The following NELL1 variants were observed in gnomAD, a reference collection of about 807,000 sequenced individuals.
NELL1 encodes neural EGFL like 1.
In NELL1, 76 loss-of-function variants were observed where a neutral mutation model predicts 107.4. The ratio of observed to expected loss-of-function variants is 0.71; its 90% CI spans 0.59 to 0.86. NELL1 has a LOEUF of 0.86. Among genes scored for constraint, NELL1 ranks in the 40% least tolerant of loss-of-function variants. The probability of loss-of-function intolerance (pLI) is 0.00; values close to 1 mark genes in which losing one functional copy is unlikely to be tolerated. For synonymous variants in NELL1, 353 were observed against 341.2 expected (o/e 1.03, Z -0.38); for missense variants, 1,024 against 1,005.5 (o/e 1.02, Z -0.25).
At chr11:21,345,174 T>C (rs886711883) in intron 14 of NELL1, among the ~76,000 whole-genome samples, 16 of 152,166 alleles carry the variant, frequency 1.1e-4, no homozygotes, top group African/African-American at 3.9e-4. Context: ...CTTTGTTAAT[T>C]TGGGCTATTT....
intron 15 of NELL1, among the ~76,000 whole-genome samples, chr11:21,473,483 C>T (rs1371093836): frequency 6.6e-6 from 1 of 151,988 alleles, no homozygotes; most frequent in Non-Finnish European, 1.5e-5. Context: ...ATTACCTGTT[C>T]ATATTTTAAC....
intron 14 of NELL1, among the ~76,000 whole-genome samples, chr11:21,336,650 T>C: frequency 2.2e-5 from 1 of 45,342 alleles, no homozygotes; most frequent in African/African-American, 4.4e-5. Context: ...CATATGTGTG[T>C]GTATATATAT....
intron 2 of NELL1, among the ~76,000 whole-genome samples, chr11:20,710,731 C>A (rs925692348): frequency 1.3e-5 from 2 of 151,818 alleles, no homozygotes; most frequent in Non-Finnish European, 2.9e-5. Flanking sequence ...TTATTGGTCT[C>A]TTCAGTTTCT....
intron 1 of NELL1, among the ~76,000 whole-genome samples, chr11:20,675,713 C>A (rs2133847739): frequency 6.6e-6 from 1 of 152,296 alleles, no homozygotes; most frequent in East Asian, 1.9e-4. Context: ...CCTTTTGGGT[C>A]ACAGGGCTTA....
intron 5 of NELL1, among the ~76,000 whole-genome samples, chr11:20,910,146 G>C (rs1850093827): frequency 6.6e-6 from 1 of 152,154 alleles, no homozygotes; most frequent in Non-Finnish European, 1.5e-5. Flanking sequence ...TCCTGGCTGG[G>C]GCAATGTTGA....
intron 9 of NELL1, among the ~76,000 whole-genome samples, chr11:20,936,672 C>T (rs549936899): frequency 1.3e-5 from 2 of 152,292 alleles, no homozygotes; most frequent in South Asian, 4.1e-4. Context: ...TGATTGTAAG[C>T]TCCATGAGAA....
chr11:21,422,094 TATGTG>T (rs1852690062), intron 15 of NELL1, among the ~76,000 whole-genome samples: 1 of 9,572 alleles, frequency 1.0e-4, no homozygotes, highest in Non-Finnish European at 1.7e-4. Context: ...CATTTACACA[TATGTG>T]TGTGTGTGTG....
intron 12 of NELL1, among the ~76,000 whole-genome samples, chr11:21,016,065 T>C (rs561812522): frequency 2.0e-5 from 3 of 152,190 alleles, no homozygotes; most frequent in African/African-American, 7.2e-5. Context: ...GCGACTGCCA[T>C]TGTGGTGCTT....
chr11:20,700,003 G>T (rs575933335), intron 2 of NELL1, among the ~76,000 whole-genome samples: 14 of 150,180 alleles, frequency 9.3e-5, no homozygotes, highest in Admixed American at 2.7e-4. Flanking sequence ...ATCTCATTGT[G>T]GTTTTAATTT....
At chr11:21,547,342 T>C (rs1480812095) in intron 16 of NELL1, among the ~76,000 whole-genome samples, 1 of 151,842 alleles carries the variant, frequency 6.6e-6, no homozygotes. Context: ...GATGGTGAGA[T>C]TTCCAGTGTA....
At chr11:21,371,755 T>C (rs1167464901) in intron 15 of NELL1, among the ~76,000 whole-genome samples, 1 of 152,084 alleles carries the variant, frequency 6.6e-6, no homozygotes, top group Non-Finnish European at 1.5e-5. Context: ...TTTCATATCA[T>C]AGCACAGAAA....
At chr11:21,340,620 T>TAC (rs71034506) in intron 14 of NELL1, among the ~76,000 whole-genome samples, 13,024 of 141,626 alleles carry the variant, frequency 0.092, 697 homozygotes, top group East Asian at 0.22. Context: ...TATGACGGGT[T>TAC]ACACACACAC....
intron 16 of NELL1, among the ~76,000 whole-genome samples, chr11:21,538,979 T>C (rs187961724): frequency 6.6e-6 from 1 of 152,212 alleles, no homozygotes; most frequent in Non-Finnish European, 1.5e-5. Flanking sequence ...CTCTACTCCT[T>C]TGCTTGTGTG....
chr11:21,443,336 A>C (rs1167933644), intron 15 of NELL1, among the ~76,000 whole-genome samples: 1 of 152,180 alleles, frequency 6.6e-6, no homozygotes, highest in African/African-American at 2.4e-5. Flanking sequence ...ATTGAGGATT[A>C]GTTTCCAACA....
At chr11:20,810,755 A>G (rs1590316341) in intron 3 of NELL1, among the ~76,000 whole-genome samples, 2 of 152,162 alleles carry the variant, frequency 1.3e-5, no homozygotes, top group South Asian at 2.1e-4. Context: ...GCTGGATCAA[A>G]TGGTAGTTCT....
chr11:20,745,755 A>G (rs150968424), intron 2 of NELL1, among the ~76,000 whole-genome samples: 24 of 152,294 alleles, frequency 1.6e-4, no homozygotes, highest in Non-Finnish European at 2.8e-4. Flanking sequence ...TGTGGGCCAC[A>G]TTTGAAGGGT....
intron 14 of NELL1, among the ~76,000 whole-genome samples, chr11:21,337,778 TTC>T (rs1850450962): frequency 7.0e-6 from 1 of 141,874 alleles, no homozygotes; most frequent in African/African-American, 2.8e-5. Context: ...CTTTCTTTCT[TTC>T]TTTCTTTCTT....
upstream of NELL1, chr11:20,669,564 C>G (rs577007020): frequency 2.1e-5 from 8 of 379,708 alleles, no homozygotes; most frequent in Admixed American, 1.7e-4. The surrounding 1 kb of genome is among the most constrained non-coding windows in gnomAD (Gnocchi z 4.4). Context: ...GCTGCCTTCC[C>G]GGGCGCATAT....
intron 14 of NELL1, among the ~76,000 whole-genome samples, chr11:21,279,205 C>G (rs1041383947): frequency 1.3e-5 from 2 of 151,886 alleles, no homozygotes; most frequent in Non-Finnish European, 2.9e-5. Flanking sequence ...TCTAGGTGAC[C>G]TATAGTATGG....
Sources: allele counts gnomAD v4.1 joint callset (sites outside exome capture counted in the v4.1 genomes callset), GRCh38; gene constraint gnomAD v4.1.1; non-coding constraint Gnocchi (gnomAD v3.1); transcripts MANE v1.5; gene names NCBI Gene and HGNC (gene_info 2026-07-23, HGNC 2026-07-21).